Variants in DYRK1A observed in about 807,000 individuals in gnomAD.
DYRK1A encodes dual specificity tyrosine-phosphorylation-regulated kinase 1A.
A neutral mutation model predicts 79.7 loss-of-function variants in DYRK1A; 9 were observed. The ratio of observed to expected loss-of-function variants is 0.11; its 90% CI spans 0.07 to 0.20. The LOEUF is 0.20. Ranked by LOEUF, DYRK1A falls within the 10% of genes least tolerant of loss-of-function variation. The probability of loss-of-function intolerance (pLI) is 1.00; values close to 1 mark genes in which losing one functional copy is unlikely to be tolerated. For missense variants in DYRK1A, 622 were observed against 956.0 expected (o/e 0.65, Z 4.61); for synonymous variants, 349 against 329.7 (o/e 1.06, Z -0.63).
At chr21:37,475,515 A>T (rs2026264) in intron 3 of DYRK1A, among the ~76,000 whole-genome samples, 134,207 of 152,274 alleles carry the variant, frequency 0.88, 59,375 homozygotes, top group East Asian at 1. Context: ...AAAAGAAAAA[A>T]TTGGTTAATA....
chr21:37,474,448 A>G lies in DYRK1A; in HGVS notation c.207+1568A>G, dbSNP rs539536252. Among the ~76,000 whole-genome samples, 196 of 152,330 alleles carry G rather than the reference A, an allele frequency of 1.3e-3. 1 individual carries two copies. The highest frequency in any genetic ancestry group is 1.7e-3 in the Non-Finnish European group (116 of 68,038). On this transcript the variant is annotated intron_variant, in intron 3 of 11. Coordinates refer to ENST00000647188, the MANE Select transcript of DYRK1A (RefSeq NM_001347721.2). ...AGCCAAATATTTCTGCCAAAATCCA[A>G]AAATTTCTGGGCCTAATAAGGGAGT...
intron 2 of DYRK1A, among the ~76,000 whole-genome samples, chr21:37,467,983 G>A (rs1478815085): frequency 6.6e-6 from 1 of 152,178 alleles, no homozygotes; most frequent in African/African-American, 2.4e-5. Flanking sequence ...CATCATTGCG[G>A]AAAATTCTGT....
intron 9 of DYRK1A, among the ~76,000 whole-genome samples, chr21:37,499,570 A>C (rs1416081058): frequency 6.6e-6 from 1 of 152,146 alleles, no homozygotes; most frequent in East Asian, 1.9e-4. Context: ...TTATCTCTCC[A>C]TTTATTTAGG....
At position 37,480,890 on chromosome 21, in the gene DYRK1A, T is replaced by C. The variant is rs113855424; in HGVS notation, c.489+64T>C. On this transcript the variant is annotated intron_variant, in intron 5 of 11. Coordinates refer to ENST00000647188, the MANE Select transcript of DYRK1A (RefSeq NM_001347721.2). ...AGAACTTCTTAGTGAATCTTGTTGT[T>C]AACAGCCCTTCCTCAAGAGTGTACT... The C allele has an allele frequency of 6.1e-6, 8 of 1,310,226 alleles. No individual in the cohort carries two copies. The African/African-American group carries it at 1.0e-4, about 17-fold the overall frequency. 81.2% of individuals were successfully genotyped at this position (1,310,226 alleles called of 1,614,324 possible).
At chr21:37,510,455 GAC>G (rs2053717355) in intron 11 of DYRK1A, among the ~76,000 whole-genome samples, 1 of 152,126 alleles carries the variant, frequency 6.6e-6, no homozygotes, top group Non-Finnish European at 1.5e-5. Context: ...AGCTTACAGT[GAC>G]ACAAGTAAAT....
At chr21:37,446,276 A>G (rs2051268167) in intron 2 of DYRK1A, among the ~76,000 whole-genome samples, 1 of 152,204 alleles carries the variant, frequency 6.6e-6, no homozygotes, top group Non-Finnish European at 1.5e-5. Flanking sequence ...GCCATCTCCT[A>G]AGAAGTATTA....
At chr21:37,397,672 A>G (rs758449335) in intron 1 of DYRK1A, among the ~76,000 whole-genome samples, 2 of 152,152 alleles carry the variant, frequency 1.3e-5, no homozygotes, top group African/African-American at 2.4e-5. Flanking sequence ...GCCATGTTTC[A>G]GAATTGCCTG....
intron 1 of DYRK1A, among the ~76,000 whole-genome samples, chr21:37,402,998 A>G (rs1454129356): frequency 6.6e-6 from 1 of 151,976 alleles, no homozygotes; most frequent in Non-Finnish European, 1.5e-5. Context: ...TCTTGACCTC[A>G]GGTGATCTGC....
intron 2 of DYRK1A, among the ~76,000 whole-genome samples, chr21:37,424,111 A>G (rs2148436014): frequency 6.6e-6 from 1 of 152,196 alleles, no homozygotes; most frequent in East Asian, 1.9e-4. Flanking sequence ...GGGCATGTAG[A>G]TTGTAATATT....
rs16995130 is a variant in DYRK1A, at chr21:37,447,899, C to T, written c.11-24785C>T. On this transcript the variant is annotated intron_variant, in intron 2 of 11. Coordinates refer to ENST00000647188, the MANE Select transcript of DYRK1A (RefSeq NM_001347721.2). ...GTTTTCTAGTAAATGTGAATTGTGG[C>T]GATTAAAAAAATTGTATATTAAAAT... 7.1e-3 allele frequency among the ~76,000 whole-genome samples: 1,077 copies of T among 151,420 alleles called. 13 individuals carry two copies. Among genetic ancestry groups the T allele is most frequent in the African/African-American group, 0.025 (1,031 of 41,310 alleles).
chr21:37,367,822 G>A (rs1417104735), intron 1 of DYRK1A, among the ~76,000 whole-genome samples, 194 bp downstream of exon 1: 1 of 151,204 alleles, frequency 6.6e-6, no homozygotes, highest in Non-Finnish European at 1.5e-5. Flanking sequence ...GCGGGCGCGA[G>A]CGGAGGGAAA....
chr21:37,511,854 A>G lies in DYRK1A; in HGVS notation c.1645-57A>G, dbSNP rs775545750. The G allele has an allele frequency of 3.1e-4, 486 of 1,557,778 alleles. 1 individual carries two copies. The highest frequency in any genetic ancestry group is 3.4e-4 in the Non-Finnish European group (390 of 1,150,214). ...TGTTAGTGTCATGGCTTTTGATGGA[A>G]GATTAAAGCTTGGAAACAGTCCTCT... On this transcript the variant is annotated intron_variant, in intron 11 of 11. Coordinates refer to ENST00000647188, the MANE Select transcript of DYRK1A (RefSeq NM_001347721.2).
At chr21:37,467,526 G>T (rs953231889) in intron 2 of DYRK1A, among the ~76,000 whole-genome samples, 1 of 152,182 alleles carries the variant, frequency 6.6e-6, no homozygotes, top group Non-Finnish European at 1.5e-5. Context: ...CACCATGCTT[G>T]GCTCAAGGAA....
intron 9 of DYRK1A, among the ~76,000 whole-genome samples, chr21:37,500,757 A>G (rs897133261): frequency 8.6e-5 from 13 of 151,916 alleles, no homozygotes; most frequent in African/African-American, 3.1e-4. Context: ...ACTTATCAAT[A>G]ATATTTTACT....
intron 2 of DYRK1A, among the ~76,000 whole-genome samples, chr21:37,462,451 C>T (rs1041423071): frequency 1.3e-5 from 2 of 152,208 alleles, no homozygotes; most frequent in African/African-American, 4.8e-5. Context: ...TGTTGAATGT[C>T]TGTGGGTTTC....
intron 2 of DYRK1A, among the ~76,000 whole-genome samples, chr21:37,448,842 ACATGC>A (rs771118053): frequency 3.9e-5 from 6 of 152,144 alleles, no homozygotes; most frequent in African/African-American, 7.2e-5. Context: ...GACTATAGGC[ACATGC>A]CACCATGCCT....
At chr21:37,504,665 C>CGTTA (rs1254447225) in intron 9 of DYRK1A, 1 of 152,200 alleles carries the variant, frequency 6.6e-6, no homozygotes, top group African/African-American at 2.4e-5. Flanking sequence ...TCTCAACACA[C>CGTTA]GTTAGTTTAT....
intron 5 of DYRK1A, 169 bp from the exon 6 acceptor site, chr21:37,486,298 A>G: frequency 2.4e-6 from 1 of 412,898 alleles, no homozygotes; most frequent in Non-Finnish European, 4.3e-6. Context: ...ATAAGTGGAT[A>G]TATATTGAAT....
intron 2 of DYRK1A, among the ~76,000 whole-genome samples, chr21:37,454,480 G>A (rs2051568958): frequency 1.3e-5 from 2 of 152,266 alleles, no homozygotes; most frequent in East Asian, 1.9e-4. Context: ...GATGCTTATG[G>A]AGGTCACTTG....
Sources: gnomAD v4.1 joint callset for allele counts (sites outside exome capture counted in the v4.1 genomes callset) on GRCh38, gnomAD v4.1.1 for gene constraint, MANE v1.5 for transcripts, NCBI Gene and HGNC (gene_info 2026-07-23, HGNC 2026-07-21) for gene names.